TRIO: variants seen among roughly 807,000 people sequenced by gnomAD.
TRIO encodes the protein triple functional domain protein.
TRIO carries 58 observed loss-of-function variants against 351.9 expected under a neutral mutation model. That is an observed-to-expected ratio of 0.16 (90% confidence interval 0.13 to 0.21). TRIO has a LOEUF of 0.21. Ranked by LOEUF, TRIO falls within the 10% of genes least tolerant of loss-of-function variation. The pLI is 1.00. For synonymous variants in TRIO, 1,758 were observed against 1,595.7 expected (o/e 1.10, Z -2.42); for missense variants, 3,201 against 4,027.8 (o/e 0.79, Z 5.56).
intron 1 of TRIO, among the ~76,000 whole-genome samples, chr5:14,228,106 C>G (rs1793164193): frequency 6.6e-6 from 1 of 152,054 alleles, no homozygotes; most frequent in South Asian, 2.1e-4. Flanking sequence ...GTCCGATTTC[C>G]TAGTAGAGGA....
intron 33 of TRIO, among the ~76,000 whole-genome samples, chr5:14,409,007 A>G (rs940381177): frequency 6.6e-5 from 10 of 152,078 alleles, no homozygotes; most frequent in Non-Finnish European, 1.3e-4. Context: ...TTATGGATAA[A>G]TGGGTGCCTG....
At chr5:14,280,282 T>TAA (rs755495751) in intron 2 of TRIO, 40 bp from the exon 3 acceptor site, 9 of 1,567,464 alleles carry the variant, frequency 5.7e-6, no homozygotes, top group South Asian at 1.1e-5. Flanking sequence ...ATTTCTGTCT[T>TAA]ATCTTGTGTC....
At chr5:14,400,851 T>C (rs1748016706) in intron 30 of TRIO, 112 bp from the exon 31 acceptor site, 2 of 881,700 alleles carry the variant, frequency 2.3e-6, no homozygotes, top group Admixed American at 4.9e-5. Context: ...ACTAGTGACG[T>C]TCTTATAACC....
chr5:14,230,340 T>TTGTGTGTGTGTGTGTGTGTGTGTGTG (rs59717445), intron 1 of TRIO, among the ~76,000 whole-genome samples: 2 of 149,128 alleles, frequency 1.3e-5, no homozygotes, highest in African/African-American at 5.0e-5. Flanking sequence ...GGCAAGATGT[T>TTGTGTGTGTGTGTGTGTGTGTGTGTG]TGTGTGTGTG....
chr5:14,311,400 A>G (rs547269709), intron 8 of TRIO, among the ~76,000 whole-genome samples: 24 of 152,338 alleles, frequency 1.6e-4, no homozygotes, highest in East Asian at 5.8e-4. Flanking sequence ...TCCATCCAAT[A>G]AGAACTTTGC....
chr5:14,399,825 T>A (rs1400875017), intron 30 of TRIO, among the ~76,000 whole-genome samples: 1 of 152,116 alleles, frequency 6.6e-6, no homozygotes, highest in East Asian at 1.9e-4. Context: ...GCAGGGTCGC[T>A]GGGCAGGGCC....
chr5:14,251,065 G>T (rs768959197), intron 1 of TRIO, among the ~76,000 whole-genome samples: 1 of 152,114 alleles, frequency 6.6e-6, no homozygotes, highest in Non-Finnish European at 1.5e-5. Context: ...TGAGATTTGG[G>T]GTAGGGGGTG....
intron 34 of TRIO, among the ~76,000 whole-genome samples, chr5:14,444,152 T>C (rs1017593048): frequency 6.6e-6 from 1 of 152,086 alleles, no homozygotes; most frequent in African/African-American, 2.4e-5. Flanking sequence ...TTTTTATAAA[T>C]TAAAGGGAAA....
chr5:14,378,360 A>T (rs1241421370), intron 20 of TRIO, among the ~76,000 whole-genome samples: 2 of 152,220 alleles, frequency 1.3e-5, no homozygotes, highest in South Asian at 4.1e-4. Flanking sequence ...TCTTTACCTC[A>T]TCTCTAAGAC....
intron 55 of TRIO, among the ~76,000 whole-genome samples, chr5:14,505,812 G>T (rs1401880942): frequency 6.6e-6 from 1 of 152,180 alleles, no homozygotes; most frequent in East Asian, 1.9e-4. Context: ...ACATGGGGAC[G>T]TGCTTCCAGC....
chr5:14,341,947 G>T (rs1199937368), intron 11 of TRIO, among the ~76,000 whole-genome samples: 1 of 152,234 alleles, frequency 6.6e-6, no homozygotes, highest in Non-Finnish European at 1.5e-5. Flanking sequence ...TAATGGCTGG[G>T]AAAAGAGGAA....
chr5:14,487,671 A>AC lies in TRIO; in HGVS notation c.7050dup (p.Val2351ArgfsTer90), dbSNP rs746654944. On this transcript the variant is annotated frameshift_variant, in exon 48 of 57. Coordinates refer to ENST00000344204, the MANE Select transcript of TRIO (RefSeq NM_007118.4). LOFTEE classifies it high-confidence loss of function. ...CGGATCCCCCAGCCTGTCCGACACC[A>AC]CCCCCCCGTGCTGGTCTCCTCTGCA... The AC allele has an allele frequency of 2.1e-5, 29 of 1,366,944 alleles. No homozygotes were observed. The highest frequency in any genetic ancestry group is 5.3e-5 in the South Asian group (3 of 57,048). The allele number at this position is 1,366,944 out of a possible 1,614,324, so 84.7% of individuals were successfully genotyped here.
At chr5:14,402,357 A>C (rs1748146615) in intron 31 of TRIO, among the ~76,000 whole-genome samples, 1 of 152,192 alleles carries the variant, frequency 6.6e-6, no homozygotes, top group Non-Finnish European at 1.5e-5. Flanking sequence ...GACTCTTCTT[A>C]TTTGTCAGGC....
chr5:14,494,709 A>T (rs185127730), intron 49 of TRIO, among the ~76,000 whole-genome samples: 33 of 152,246 alleles, frequency 2.2e-4, no homozygotes, highest in Non-Finnish European at 4.3e-4. Context: ...GACCAGCCTG[A>T]CAAGTATGGT....
At chr5:14,501,713 G>C (rs750580383) in intron 53 of TRIO, among the ~76,000 whole-genome samples, 1 of 152,244 alleles carries the variant, frequency 6.6e-6, no homozygotes, top group Non-Finnish European at 1.5e-5. Context: ...GGAAGCCCAC[G>C]TGAAGATAGG....
rs756434596 is a variant in TRIO at position 14,479,939 on chromosome 5, C to A, written c.6264C>A (p.Gly2088=). The change falls in exon 43 of 57, where the codon GGC becomes GGA. Residue 2088 remains glycine, a synonymous_variant. Coordinates refer to ENST00000344204, the MANE Select transcript of TRIO (RefSeq NM_007118.4). The part of the protein sequence containing the change: ...TFFEDLKQRL[G]HRLQLTDLLI... ...TGTAGGACTTAAAGCAGCGTCTTGG[C>A]CACAGGTTACAGCTCACAGATCTGT... The A allele has an allele frequency of 6.2e-7, 1 of 1,613,872 alleles. No individual in the cohort carries two copies. Among genetic ancestry groups the A allele is most frequent in the African/African-American group, 1.3e-5 (1 of 74,918 alleles).
At chr5:14,296,824 A>G (rs1200421718) in intron 6 of TRIO, among the ~76,000 whole-genome samples, 2 of 152,260 alleles carry the variant, frequency 1.3e-5, no homozygotes, top group African/African-American at 2.4e-5. Flanking sequence ...GTGCTGAACA[A>G]TTATGCCTTT....
chr5:14,463,352 G>A (rs1056790792), intron 36 of TRIO, among the ~76,000 whole-genome samples: 1 of 152,204 alleles, frequency 6.6e-6, no homozygotes, highest in Non-Finnish European at 1.5e-5. Flanking sequence ...GGTTTGAGAT[G>A]AGGTTACATC....
chr5:14,172,011 A>G (rs32572), intron 1 of TRIO, among the ~76,000 whole-genome samples: 30,228 of 152,210 alleles, frequency 0.2, 3,305 homozygotes, highest in East Asian at 0.45. Flanking sequence ...ACACCTGCAG[A>G]TAAGTTGAGT....
Sources: allele counts gnomAD v4.1 joint callset (sites outside exome capture counted in the v4.1 genomes callset), GRCh38; gene constraint gnomAD v4.1.1; transcripts MANE v1.5; gene names NCBI Gene and HGNC (gene_info 2026-07-23, HGNC 2026-07-21).